Variants in PKNOX2 observed in about 807,000 individuals in gnomAD.
PKNOX2 encodes PBX/knotted 1 homeobox 2, also known as homeobox protein PKNOX2.
In PKNOX2, 14 loss-of-function variants were observed where a neutral mutation model predicts 53.1. The ratio of observed to expected loss-of-function variants is 0.26; its 90% CI spans 0.17 to 0.41. PKNOX2 has a LOEUF of 0.41. Ranked by LOEUF, PKNOX2 falls within the 10% of genes least tolerant of loss-of-function variation. PKNOX2 has a pLI of 1.00. For missense variants in PKNOX2, 496 were observed against 602.8 expected, an observed-to-expected ratio of 0.82 and a Z score of 1.85; for synonymous variants, 257 against 242.8, an observed-to-expected ratio of 1.06 and a Z score of -0.54.
intron 2 of PKNOX2, among the ~76,000 whole-genome samples, chr11:125,289,221 A>T (rs1343267422): frequency 2.6e-5 from 4 of 152,174 alleles, no homozygotes; most frequent in African/African-American, 9.7e-5. Flanking sequence ...GAGACTCCAC[A>T]GTGGAATGAG....
chr11:125,219,324 G>T (rs1046630609), intron 1 of PKNOX2, among the ~76,000 whole-genome samples: 1 of 151,986 alleles, frequency 6.6e-6, no homozygotes, highest in Admixed American at 6.5e-5. Context: ...TGTAATCCCA[G>T]CTACTTTGTA....
intron 4 of PKNOX2, among the ~76,000 whole-genome samples, chr11:125,358,728 G>A (rs1280044597): frequency 6.6e-6 from 1 of 152,204 alleles, no homozygotes; most frequent in Non-Finnish European, 1.5e-5. Context: ...TAACTGGGTT[G>A]GGGAATATTT....
intron 2 of PKNOX2, among the ~76,000 whole-genome samples, chr11:125,314,701 C>G (rs570843978): frequency 2.6e-4 from 40 of 152,240 alleles, no homozygotes; most frequent in African/African-American, 8.9e-4. Context: ...CCCAGAAACT[C>G]TCACCTTGCC....
intron 5 of PKNOX2, among the ~76,000 whole-genome samples, chr11:125,373,153 A>G (rs998957747): frequency 6.6e-6 from 1 of 152,218 alleles, no homozygotes; most frequent in Admixed American, 6.5e-5. Flanking sequence ...CTAGAAATAG[A>G]CTTGGTGAGA....
chr11:125,408,623 G>A (rs943758182), intron 7 of PKNOX2, among the ~76,000 whole-genome samples: 1 of 152,220 alleles, frequency 6.6e-6, no homozygotes, highest in Non-Finnish European at 1.5e-5. Context: ...AGCTCTGGAG[G>A]AGACGCCAAG....
intron 2 of PKNOX2, among the ~76,000 whole-genome samples, chr11:125,314,224 C>G (rs1040225008): frequency 6.6e-6 from 1 of 152,108 alleles, no homozygotes; most frequent in Non-Finnish European, 1.5e-5. Context: ...CGTCGTGAAT[C>G]ACCAAAGAGA....
intron 10 of PKNOX2, among the ~76,000 whole-genome samples, chr11:125,412,293 G>A (rs1407283270): frequency 6.6e-6 from 1 of 152,150 alleles, no homozygotes; most frequent in African/African-American, 2.4e-5. Flanking sequence ...CAGGACTCCT[G>A]AGTCCTCCCC....
In PKNOX2 at chr11:125,236,080, C is replaced by T. The variant is rs529462269; in HGVS notation, c.-130+965C>T. Among the ~76,000 whole-genome samples the T allele has an allele frequency of 2.1e-3, 314 of 152,332 alleles. 3 individuals are homozygous for T. The highest frequency in any genetic ancestry group is 6.3e-3 in the African/African-American group (262 of 41,568). On this transcript the variant is annotated intron_variant, in intron 2 of 12. Transcript: ENST00000298282. ...ATTATAAATGATTAACCGTTATCAG[C>T]GCACATCTTCACCTCTGTGTAAAAA... is the stretch of plus-strand genomic sequence containing the variant.
chr11:125,220,609 G>A (rs1178891334), intron 1 of PKNOX2, among the ~76,000 whole-genome samples: 2 of 152,112 alleles, frequency 1.3e-5, no homozygotes, highest in Non-Finnish European at 2.9e-5. Flanking sequence ...AGGTCACTGG[G>A]GCAATCAGCC....
In PKNOX2 at chr11:125,411,852, T is replaced by C; in HGVS notation, c.923T>C (p.Phe308Ser). Residue 308 changes from phenylalanine (F) to serine (S), a missense_variant, in exon 10 of 13, where the codon TTC becomes TCC. Physicochemically the swap from Phe to Ser is radical, Grantham distance 155. Coordinates refer to ENST00000298282, the MANE Select transcript of PKNOX2 (RefSeq NM_001382323.2). ...ACCAATATAATGCGTTCTTGGCTCTTCCAGCATCTCATGGTGAGTGTGTGT... is the reference window on the plus strand; with the variant it reads ...ACCAATATAATGCGTTCTTGGCTCTCCCAGCATCTCATGGTGAGTGTGTGT... Reference protein sequence around the residue: ...HATNIMRSWLFQHLMHPYPTE... With the variant: ...HATNIMRSWLSQHLMHPYPTE... 6.2e-7 allele frequency: 1 copy of C among 1,614,088 alleles called. No individual in the cohort carries two copies. Among genetic ancestry groups the C allele is most frequent in the Non-Finnish European group, 8.5e-7 (1 of 1,179,994 alleles).
At position 125,276,847 on chromosome 11, in the gene PKNOX2, T is replaced by C. The variant is rs527758089; in HGVS notation, c.-130+41732T>C. Among the ~76,000 whole-genome samples the C allele has an allele frequency of 1.1e-4, 16 of 152,260 alleles. No homozygotes were observed. The South Asian group carries it at 2.3e-3, about 22-fold the overall frequency. On this transcript the variant is annotated intron_variant, in intron 2 of 12. Coordinates refer to ENST00000298282, the MANE Select transcript of PKNOX2 (RefSeq NM_001382323.2). ...TTTGTATCATTTTTCTCCAGTAAGGTTCAGCTGCTCTGATACAGACCCTGA... is the reference window on the plus strand; with the variant it reads ...TTTGTATCATTTTTCTCCAGTAAGGCTCAGCTGCTCTGATACAGACCCTGA...
At chr11:125,350,789 G>A (rs1951259041) in intron 3 of PKNOX2, among the ~76,000 whole-genome samples, 1 of 152,150 alleles carries the variant, frequency 6.6e-6, no homozygotes, top group Admixed American at 6.5e-5. Flanking sequence ...GGTGCTTGGG[G>A]ACCCTGGAAT....
intron 5 of PKNOX2, among the ~76,000 whole-genome samples, chr11:125,368,635 G>A (rs1952325086): frequency 6.6e-6 from 1 of 152,194 alleles, no homozygotes. Flanking sequence ...CCAAGAAGGG[G>A]AGTTTGCTGA....
At chr11:125,244,781 T>G (rs942216355) in intron 2 of PKNOX2, among the ~76,000 whole-genome samples, 1 of 152,140 alleles carries the variant, frequency 6.6e-6, no homozygotes, top group Non-Finnish European at 1.5e-5. Flanking sequence ...TAGGAATACT[T>G]AGGACTGAAT....
At chr11:125,265,084 T>C (rs997762894) in intron 2 of PKNOX2, among the ~76,000 whole-genome samples, 11 of 152,026 alleles carry the variant, frequency 7.2e-5, no homozygotes, top group East Asian at 1.9e-4. Context: ...GTCAGAAGAT[T>C]GAGACCATCC....
Position 125,410,804 on chromosome 11 carries a change from C to G in PKNOX2, c.744C>G (p.Thr248=). Residue 248 remains threonine, a synonymous_variant, in exon 9 of 13, where the codon ACC becomes ACG. Transcript: ENST00000298282. ...GTGGAGCCTTATACCAACCGGTTAC[C>G]ATGGTAACCTCCCAGGGTCAGGTGG... is the stretch of plus-strand genomic sequence containing the variant. ...VSGGALYQPV[T]MVTSQGQVVT... The G allele has an allele frequency of 6.2e-7, 1 of 1,614,078 alleles. No homozygotes were observed. Among genetic ancestry groups the G allele is most frequent in the South Asian group, 1.1e-5 (1 of 91,072 alleles).
intron 3 of PKNOX2, among the ~76,000 whole-genome samples, chr11:125,333,500 A>G (rs901037478): frequency 1.3e-5 from 2 of 151,650 alleles, no homozygotes; most frequent in Admixed American, 6.6e-5. Flanking sequence ...GGCAACCTCA[A>G]ATATCACCCC....
At chr11:125,387,595 C>A (rs1189463352) in intron 6 of PKNOX2, among the ~76,000 whole-genome samples, 1 of 152,214 alleles carries the variant, frequency 6.6e-6, no homozygotes, top group African/African-American at 2.4e-5. Flanking sequence ...ATCAATCTAA[C>A]AGAACTTGGT....
At chr11:125,226,267 T>G (rs1941682829) in intron 1 of PKNOX2, among the ~76,000 whole-genome samples, 1 of 152,240 alleles carries the variant, frequency 6.6e-6, no homozygotes, top group African/African-American at 2.4e-5. Context: ...TGGCTGAATG[T>G]GAACCCAGTG....
Sources: allele counts gnomAD v4.1 joint callset (sites outside exome capture counted in the v4.1 genomes callset), GRCh38; gene constraint gnomAD v4.1.1; transcripts MANE v1.5; gene names NCBI Gene and HGNC (gene_info 2026-07-23, HGNC 2026-07-21).